TACC1: variants seen among roughly 807,000 people sequenced by gnomAD.
TACC1 encodes transforming acidic coiled-coil-containing protein 1.
Under a neutral mutation model 84.4 loss-of-function variants are expected in TACC1, and 48 were observed. The observed-to-expected ratio is 0.57, with a 90% CI of 0.45 to 0.72. The LOEUF is 0.72. TACC1 is among the 30% of genes least tolerant of loss of function. The pLI, the probability that TACC1 is intolerant of heterozygous loss-of-function variation, is 0.00. For synonymous variants in TACC1, 372 were observed against 376.3 expected (o/e 0.99, Z 0.13); for missense variants, 920 against 973.0 (o/e 0.95, Z 0.72).
At chr8:38,799,805 G>A (rs2152067286) in intron 2 of TACC1, 1 of 152,254 alleles carries the variant, frequency 6.6e-6, no homozygotes, top group South Asian at 2.1e-4. Context: ...CAAATTGATG[G>A]GATGGTGAGA....
chr8:38,844,297 C>T (rs889369773), intron 11 of TACC1, among the ~76,000 whole-genome samples: 4 of 151,992 alleles, frequency 2.6e-5, no homozygotes, highest in African/African-American at 9.7e-5. Flanking sequence ...CTCAGCCTCC[C>T]AAGTAGCTTG....
At chr8:38,745,582 C>T (rs761537651) in intron 3 of TACC1, 11 of 632,138 alleles carry the variant, frequency 1.7e-5, no homozygotes, top group Admixed American at 5.0e-5. Flanking sequence ...CTTGCTCTGT[C>T]GCCCAGGCTG....
intron 2 of TACC1, among the ~76,000 whole-genome samples, chr8:38,790,817 C>T (rs1189517483): frequency 1.3e-5 from 2 of 152,172 alleles, no homozygotes; most frequent in Non-Finnish European, 2.9e-5. Context: ...CTCAACTTGC[C>T]CTAGGCTGCA....
intron 3 of TACC1, among the ~76,000 whole-genome samples, chr8:38,773,873 C>T (rs1276935122): frequency 1.3e-5 from 2 of 152,192 alleles, no homozygotes; most frequent in Non-Finnish European, 2.9e-5. Context: ...AGCTCACCAA[C>T]ATTTTAACAG....
intron 12 of TACC1, 48 bp downstream of exon 12, chr8:38,846,867 C>T: frequency 6.2e-7 from 1 of 1,605,566 alleles, no homozygotes; most frequent in Non-Finnish European, 8.5e-7. Flanking sequence ...GTTTGGTTTT[C>T]CTCCTCAGCA....
At chr8:38,833,006 G>C (rs1292779463) in intron 6 of TACC1, among the ~76,000 whole-genome samples, 1 of 152,208 alleles carries the variant, frequency 6.6e-6, no homozygotes, top group African/African-American at 2.4e-5. Flanking sequence ...AGAAGCACTG[G>C]CAAACATGAA....
chr8:38,819,478 T>C, intron 2 of TACC1, 44 bp from the exon 3 acceptor site: 1 of 1,555,478 alleles, frequency 6.4e-7, no homozygotes. Context: ...TACTTACCAG[T>C]GACAGATAAT....
chr8:38,798,165 C>T (rs560539664), intron 2 of TACC1, among the ~76,000 whole-genome samples: 6 of 151,500 alleles, frequency 4.0e-5, no homozygotes, highest in African/African-American at 1.5e-4. Flanking sequence ...GCTGTGTTGC[C>T]CAGGCTGGAG....
intron 1 of TACC1, among the ~76,000 whole-genome samples, chr8:38,741,136 TA>T (rs1048137831): frequency 2.0e-5 from 3 of 151,940 alleles, no homozygotes; most frequent in African/African-American, 7.3e-5. Flanking sequence ...CCAGGGCATT[TA>T]AAAAAATACT....
intron 2 of TACC1, chr8:38,744,211 C>T (rs560810334): frequency 1.3e-5 from 2 of 152,336 alleles, no homozygotes; most frequent in Admixed American, 1.3e-4. Context: ...CAATAAAGGG[C>T]TCACCTCCGC....
At chr8:38,840,077 AAAG>A in intron 8 of TACC1, 144 bp from the exon 9 acceptor site, 1 of 329,048 alleles carries the variant, frequency 3.0e-6, no homozygotes, top group Non-Finnish European at 5.6e-6. Context: ...AAAAAAAAAA[AAAG>A]ATAACGAGAG....
intron 1 of TACC1, among the ~76,000 whole-genome samples, chr8:38,738,270 G>A (rs1280344240): frequency 2.0e-5 from 3 of 151,986 alleles, no homozygotes; most frequent in East Asian, 1.9e-4. Context: ...TTAGTCGGGC[G>A]TGGTGGCAAG....
At position 38,787,644 on chromosome 8, in the gene TACC1, C is replaced by T; in HGVS notation, c.62C>T (p.Ala21Val). 6.5e-7 allele frequency: 1 copy of T among 1,549,678 alleles called. No individual in the cohort carries two copies. The highest frequency in any genetic ancestry group is 8.7e-7 in the Non-Finnish European group (1 of 1,147,788). ...CAGTGGGCGAAATGGACGTGGTCTG[C>T]GGTACGCGGCGGGGCCGCCGGCGAG... Reference protein sequence around the residue: ...PVQWAKWTWSAVRGGAAGEDE... With the variant: ...PVQWAKWTWSVVRGGAAGEDE... Residue 21 changes from alanine (A) to valine (V), a missense_variant, in exon 1 of 13, where the codon GCG becomes GTG. Transcript: ENST00000317827.
chr8:38,752,200 G>A (rs1165588948), intron 3 of TACC1, among the ~76,000 whole-genome samples: 1 of 152,200 alleles, frequency 6.6e-6, no homozygotes, highest in Non-Finnish European at 1.5e-5. Flanking sequence ...GCCAGGCACT[G>A]TGGCTCATGC....
chr8:38,836,213 G>T lies in TACC1; in HGVS notation c.1765G>T (p.Gly589Cys), dbSNP rs757493677. ...EKAPVSVSCGGESPLDGICLS... is the reference protein window; with the variant it reads ...EKAPVSVSCGCESPLDGICLS... ...GGCCCCTGTGTCGGTGTCCTGTGGA[G>T]GTGAGAGCCCCCTGGATGGGATCTG... Residue 589 changes from glycine to cysteine, a missense_variant, in exon 7 of 13, where the codon GGT becomes TGT. Transcript: ENST00000317827. The T allele has an allele frequency of 3.7e-6, 6 of 1,613,396 alleles. No individual in the cohort carries two copies. The highest frequency in any genetic ancestry group is 5.1e-6 in the Non-Finnish European group (6 of 1,179,888).
At chr8:38,762,905 T>G (rs1331862332) in intron 3 of TACC1, among the ~76,000 whole-genome samples, 1 of 152,174 alleles carries the variant, frequency 6.6e-6, no homozygotes, top group African/African-American at 2.4e-5. Flanking sequence ...CAAGTACGTG[T>G]GAGTCCCTGC....
intron 3 of TACC1, among the ~76,000 whole-genome samples, chr8:38,754,967 CT>C: frequency 6.6e-6 from 1 of 152,292 alleles, no homozygotes; most frequent in East Asian, 1.9e-4. Context: ...TCAATACAGC[CT>C]GGCCAACATA....
chr8:38,823,779 A>G (rs1347392378), intron 3 of TACC1, among the ~76,000 whole-genome samples: 2 of 152,160 alleles, frequency 1.3e-5, no homozygotes, highest in South Asian at 2.1e-4. Flanking sequence ...GAGTGTTTCT[A>G]CCAGTCTCCT....
At chr8:38,729,038 C>G (rs567746966) in intron 1 of TACC1, among the ~76,000 whole-genome samples, 2 of 151,704 alleles carry the variant, frequency 1.3e-5, no homozygotes, top group Non-Finnish European at 2.9e-5. Flanking sequence ...TCTTTCCGCC[C>G]CTGAAATGCC....
Sources: allele counts gnomAD v4.1 joint callset (sites outside exome capture counted in the v4.1 genomes callset), GRCh38; gene constraint gnomAD v4.1.1; transcripts MANE v1.5; gene names NCBI Gene and HGNC (gene_info 2026-07-23, HGNC 2026-07-21).